AKR1D1: variants seen among roughly 807,000 people sequenced by gnomAD.
AKR1D1 encodes the protein aldo-keto reductase family 1 member D1, also known as delta(4)-3-ketosteroid 5-beta-reductase.
AKR1D1 carries 32 observed loss-of-function variants against 42.6 expected under a neutral mutation model. The observed-to-expected ratio is 0.75, with a 90% confidence interval of 0.57 to 1.01. AKR1D1 has a LOEUF of 1.01. Among genes scored for constraint, AKR1D1 ranks in the 50% least tolerant of loss-of-function variants. The pLI is 0.00. For synonymous variants in AKR1D1, 123 were observed against 135.5 expected, an observed-to-expected ratio of 0.91 and a Z score of 0.64; for missense variants, 364 against 402.2, an observed-to-expected ratio of 0.91 and a Z score of 0.81.
chr7:138,104,841 C>G lies in AKR1D1; in HGVS notation c.457-466C>G, dbSNP rs138170359. Among the ~76,000 whole-genome samples the G allele has an allele frequency of 4.5e-3, 682 of 152,226 alleles. 10 individuals carry two copies. Among genetic ancestry groups the G allele is most frequent in the African/African-American group, 0.016 (654 of 41,540 alleles). ...TGACACAGTTATAACTCACTGCAGC[C>G]TCAATTTCCCCAGCTCAAGTGGATC... On this transcript the variant is annotated intron_variant, in intron 4 of 8. Coordinates refer to ENST00000242375, the MANE Select transcript of AKR1D1 (RefSeq NM_005989.4).
intron 3 of AKR1D1, among the ~76,000 whole-genome samples, chr7:138,094,918 A>G (rs1794156259): frequency 6.6e-6 from 1 of 152,216 alleles, no homozygotes; most frequent in East Asian, 1.9e-4. Context: ...AGCAGACAGA[A>G]TTTTAGCCAA....
chr7:138,087,881 T>C (rs2352140), intron 1 of AKR1D1, among the ~76,000 whole-genome samples: 82,838 of 151,212 alleles, frequency 0.55, 23,078 homozygotes, highest in Middle Eastern at 0.61. Flanking sequence ...TCATCAATGC[T>C]ACATTTCTTT....
chr7:138,081,404 G>A (rs1317100658), intron 1 of AKR1D1, among the ~76,000 whole-genome samples: 1 of 149,486 alleles, frequency 6.7e-6, no homozygotes, highest in Admixed American at 6.7e-5. Flanking sequence ...ATTGCATGGT[G>A]TCTTGGTGTG....
chr7:138,096,016 C>G (rs191175561), intron 3 of AKR1D1, among the ~76,000 whole-genome samples: 18 of 149,970 alleles, frequency 1.2e-4, no homozygotes, highest in African/African-American at 4.2e-4. Context: ...GCCTGGACAG[C>G]ATGGTGAAAC....
Position 138,088,585 on chromosome 7 carries a change from C to A in AKR1D1, c.94-16C>A, listed in dbSNP as rs201024280. 6.2e-7 allele frequency: 1 copy of A among 1,614,098 alleles called. No individual in the cohort carries two copies. Reference sequence around the variant, plus strand: ...CATTTCTCTTTTCCCCAAACCCAACCTCTTTGTCACTTCAGACCCCTAAGG... The same window carrying A: ...CATTTCTCTTTTCCCCAAACCCAACATCTTTGTCACTTCAGACCCCTAAGG... On this transcript the variant is annotated splice_polypyrimidine_tract_variant and intron_variant, in intron 1 of 8. Coordinates refer to ENST00000242375, the MANE Select transcript of AKR1D1 (RefSeq NM_005989.4).
intron 3 of AKR1D1, among the ~76,000 whole-genome samples, chr7:138,093,570 C>A (rs180805192): frequency 6.6e-6 from 1 of 152,024 alleles, no homozygotes; most frequent in East Asian, 1.9e-4. Flanking sequence ...GAGGTTCTTC[C>A]GGAGCAATAA....
rs1174793601 is a variant in AKR1D1, at chr7:138,088,538, TA to T, written c.94-61del. 7 of 1,552,094 alleles carry T rather than the reference TA, an allele frequency of 4.5e-6. No homozygotes were observed. The African/African-American group carries it at 9.5e-5, about 21-fold the overall frequency. ...GAATGTACATGCAAAATGTCCTGAT[TA>T]ATGATTATTAAAGGAAAGACCATTT... On this transcript the variant is annotated intron_variant, in intron 1 of 8. Coordinates refer to ENST00000242375, the MANE Select transcript of AKR1D1 (RefSeq NM_005989.4).
intron 2 of AKR1D1, among the ~76,000 whole-genome samples, chr7:138,089,959 T>C (rs1268420994): frequency 1.3e-5 from 2 of 152,186 alleles, no homozygotes; most frequent in Non-Finnish European, 2.9e-5. Context: ...CAATTTTTTT[T>C]CTCTGTAAAA....
At chr7:138,104,331 G>C (rs556160594) in intron 4 of AKR1D1, among the ~76,000 whole-genome samples, 12 of 152,080 alleles carry the variant, frequency 7.9e-5, no homozygotes, top group African/African-American at 2.9e-4. Context: ...ATATGTATGA[G>C]AGAGAGAGGA....
chr7:138,109,456 A>G (rs1324949707), intron 7 of AKR1D1, among the ~76,000 whole-genome samples: 2 of 152,204 alleles, frequency 1.3e-5, no homozygotes, highest in Non-Finnish European at 2.9e-5. Flanking sequence ...GAAGATGATC[A>G]GAAACAAAGT....
rs944771535 is a variant in AKR1D1 at position 138,118,228 on chromosome 7, T to C, written c.*1566T>C. On this transcript the variant is annotated 3_prime_UTR_variant, in exon 9 of 9. Coordinates refer to ENST00000242375, the MANE Select transcript of AKR1D1 (RefSeq NM_005989.4). ...TACTGATTGTTTTCACTGATTCCAA[T>C]ATTATTACTTATAACACTGACCTCT... is the stretch of plus-strand genomic sequence containing the variant. Among the ~76,000 whole-genome samples, 3 of 152,198 alleles carry C rather than the reference T, an allele frequency of 2.0e-5. No individual in the cohort carries two copies. Among genetic ancestry groups the C allele is most frequent in the African/African-American group, 7.2e-5 (3 of 41,450 alleles).
At chr7:138,116,233 A>C (rs1386126398) in intron 8 of AKR1D1, among the ~76,000 whole-genome samples, 1 of 152,140 alleles carries the variant, frequency 6.6e-6, no homozygotes, top group Non-Finnish European at 1.5e-5. Context: ...TGGTAATAAG[A>C]GTTTTGAAGA....
intron 2 of AKR1D1, 100 bp from the exon 3 acceptor site, chr7:138,091,665 CAAA>C (rs112737566): frequency 6.5e-6 from 5 of 766,372 alleles, no homozygotes; most frequent in Non-Finnish European, 8.6e-6. Context: ...CCCCCCATCT[CAAA>C]AAAAAAAAAT....
At chr7:138,109,071 TCAAAA>T (rs1479934532) in intron 7 of AKR1D1, among the ~76,000 whole-genome samples, 1 of 152,198 alleles carries the variant, frequency 6.6e-6, no homozygotes, top group Non-Finnish European at 1.5e-5. Flanking sequence ...TTTTAAAAAC[TCAAAA>T]CAATCTTCAA....
chr7:138,113,895 C>A, intron 8 of AKR1D1, 123 bp downstream of exon 8: 1 of 839,540 alleles, frequency 1.2e-6, no homozygotes, highest in African/African-American at 1.7e-5. Flanking sequence ...TGGTGGGCCG[C>A]ATATTCTGAA....
rs77033208 is a variant in AKR1D1, at chr7:138,097,849, T to C, written c.379-17T>C. 8.9e-6 allele frequency: 1 copy of C among 111,984 alleles called. No individual in the cohort carries two copies. The highest frequency in any genetic ancestry group is 1.1e-5 in the Non-Finnish European group (1 of 94,764). 6.9% of individuals were successfully genotyped at this position (111,984 alleles called of 1,614,324 possible). ...AAATAAAATGAATTACATTTATTCT[T>C]TTTTTTTTTTTTTCAGCCAGGAGAT... On this transcript the variant is annotated splice_polypyrimidine_tract_variant and intron_variant, in intron 3 of 8. Transcript: ENST00000242375.
chr7:138,091,771 T>C lies in AKR1D1; in HGVS notation c.265T>C (p.Trp89Arg), dbSNP rs1349685169. The change falls in exon 3 of 9, where the codon TGG (tryptophan) becomes CGG (arginine). Residue 89 changes from tryptophan to arginine, a missense_variant. Trp to Arg is a moderately radical substitution (Grantham distance 101). Coordinates refer to ENST00000242375, the MANE Select transcript of AKR1D1 (RefSeq NM_005989.4). Reference protein sequence around the residue: ...REDIFYCGKLWATNHVPEMVR... With the variant: ...REDIFYCGKLRATNHVPEMVR... ...TCTCCCTCTTTGATTCTTTCAGCTA[T>C]GGGCTACAAATCATGTCCCAGAGAT... The C allele has an allele frequency of 6.2e-7, 1 of 1,607,934 alleles. No homozygotes were observed. The highest frequency in any genetic ancestry group is 8.5e-7 in the Non-Finnish European group (1 of 1,174,366).
At chr7:138,097,720 A>G in intron 3 of AKR1D1, 146 bp from the exon 4 acceptor site, 1 of 724,202 alleles carries the variant, frequency 1.4e-6, no homozygotes. Context: ...CTGGGCCGCT[A>G]TGACAAAATA....
At chr7:138,110,822 A>T (rs918682592) in intron 7 of AKR1D1, among the ~76,000 whole-genome samples, 14 of 152,174 alleles carry the variant, frequency 9.2e-5, no homozygotes, top group African/African-American at 3.1e-4. Context: ...GAAGAAAGCT[A>T]ATACGGAGCC....
Sources: allele counts gnomAD v4.1 joint callset (sites outside exome capture counted in the v4.1 genomes callset), GRCh38; gene constraint gnomAD v4.1.1; transcripts MANE v1.5; gene names NCBI Gene and HGNC (gene_info 2026-07-23, HGNC 2026-07-21).